Variants in ADAMTSL1 observed in about 807,000 individuals in gnomAD.
ADAMTSL1 encodes the protein ADAMTS-like protein 1.
In ADAMTSL1, 126 loss-of-function variants were observed where a neutral mutation model predicts 201.8. The ratio of observed to expected loss-of-function variants is 0.62; its 90% CI spans 0.54 to 0.72. ADAMTSL1 has a LOEUF of 0.72. ADAMTSL1 is among the 30% of genes least tolerant of loss of function. The pLI, the probability that ADAMTSL1 is intolerant of heterozygous loss-of-function variation, is 0.00. For synonymous variants in ADAMTSL1, 1,121 were observed against 903.4 expected (o/e 1.24, Z -4.32); for missense variants, 2,679 against 2,277.8 (o/e 1.18, Z -3.59).
intron 1 of ADAMTSL1, among the ~76,000 whole-genome samples, chr9:18,068,310 A>C (rs1444002176): frequency 6.6e-6 from 1 of 152,200 alleles, no homozygotes; most frequent in African/African-American, 2.4e-5. Context: ...ACAACTAAAA[A>C]TAACAATACA....
intron 13 of ADAMTSL1, chr9:18,706,530 G>A (rs140022906): frequency 1.9e-6 from 1 of 530,270 alleles, no homozygotes; most frequent in Admixed American, 3.3e-5. Flanking sequence ...GCAGCTGGGA[G>A]TTCATGTGAC....
chr9:18,471,867 A>G (rs1821230084), upstream of ADAMTSL1, among the ~76,000 whole-genome samples: 1 of 152,214 alleles, frequency 6.6e-6, no homozygotes, highest in African/African-American at 2.4e-5. Context: ...CTGACTCAAA[A>G]TACCTAGGCA....
At chr9:18,399,280 C>CATATATATATATATATAT (rs561622408) in intron 2 of ADAMTSL1, among the ~76,000 whole-genome samples, 1 of 31,006 alleles carries the variant, frequency 3.2e-5, no homozygotes, top group Non-Finnish European at 6.5e-5. Context: ...GTCTGCTTTA[C>CATATATATATATATATAT]ATATATATAT....
intron 2 of ADAMTSL1, among the ~76,000 whole-genome samples, chr9:18,430,261 A>G (rs1012799431): frequency 5.3e-5 from 8 of 152,202 alleles, no homozygotes; most frequent in Non-Finnish European, 1.2e-4. Flanking sequence ...ACAAGATTTT[A>G]AAGTATCTAA....
intron 7 of ADAMTSL1, among the ~76,000 whole-genome samples, chr9:18,655,241 C>T (rs1295734973): frequency 2.0e-5 from 3 of 152,188 alleles, no homozygotes; most frequent in Admixed American, 1.3e-4. Context: ...AATTAAAGCT[C>T]AACCATAACC....
chr9:18,343,083 T>G (rs991096239), intron 2 of ADAMTSL1, among the ~76,000 whole-genome samples: 17 of 152,098 alleles, frequency 1.1e-4, no homozygotes, highest in African/African-American at 4.1e-4. Context: ...CTCAGCACTT[T>G]GGGAGGCTGA....
intron 1 of ADAMTSL1, among the ~76,000 whole-genome samples, chr9:17,969,515 A>T (rs568886393): frequency 6.6e-6 from 1 of 152,248 alleles, no homozygotes; most frequent in East Asian, 1.9e-4. Context: ...TTAAGGTCAT[A>T]TACAGCAATA....
intron 24 of ADAMTSL1, among the ~76,000 whole-genome samples, chr9:18,889,355 C>T (rs1022846238): frequency 1.3e-5 from 2 of 152,162 alleles, no homozygotes; most frequent in African/African-American, 4.8e-5. Context: ...TCACTGTATT[C>T]ATTTCATGGC....
At chr9:18,298,254 T>C (rs1452312147) in intron 2 of ADAMTSL1, among the ~76,000 whole-genome samples, 5 of 152,100 alleles carry the variant, frequency 3.3e-5, no homozygotes, top group Admixed American at 2.6e-4. Flanking sequence ...AGTGACAAGA[T>C]ACCAAAAGTA....
intron 1 of ADAMTSL1, among the ~76,000 whole-genome samples, chr9:18,504,360 C>T (rs1419087228): frequency 6.6e-6 from 1 of 152,126 alleles, no homozygotes; most frequent in Non-Finnish European, 1.5e-5. Context: ...ACTAGGAATG[C>T]AGTTGCTTTA....
At chr9:18,857,075 C>T (rs1213535265) in intron 23 of ADAMTSL1, among the ~76,000 whole-genome samples, 2 of 152,100 alleles carry the variant, frequency 1.3e-5, no homozygotes, top group African/African-American at 2.4e-5. Context: ...ACATGTTCTA[C>T]TTCTTGGTTT....
At chr9:18,527,235 C>G (rs559965516) in intron 2 of ADAMTSL1, among the ~76,000 whole-genome samples, 1 of 152,332 alleles carries the variant, frequency 6.6e-6, no homozygotes, top group East Asian at 1.9e-4. Context: ...AATACAGTAA[C>G]CCATTCTTGC....
intron 2 of ADAMTSL1, among the ~76,000 whole-genome samples, chr9:18,411,404 G>T (rs926496840): frequency 6.6e-6 from 1 of 151,492 alleles, no homozygotes; most frequent in African/African-American, 2.4e-5. Context: ...TCACCATGTT[G>T]CCCAGGCTGG....
intron 1 of ADAMTSL1, among the ~76,000 whole-genome samples, chr9:17,922,065 T>C (rs978256555): frequency 1.0e-4 from 15 of 143,438 alleles, no homozygotes; most frequent in Non-Finnish European, 2.1e-4. Context: ...ATGTATTCTC[T>C]AAGGTGTGAT....
rs555247948 is a variant in ADAMTSL1, at chr9:18,115,197, C to T, written c.88-48665C>T. Among the ~76,000 whole-genome samples, 96 of 152,238 alleles carry T rather than the reference C, an allele frequency of 6.3e-4. No individual in the cohort carries two copies. In the Middle Eastern group the frequency reaches 0.01, roughly 16 times the overall value. On this transcript the variant is annotated intron_variant, in intron 1 of 29. Coordinates refer to the ADAMTSL1 transcript ENST00000680146. ...TTTGCAGTGGGCTTTGAGTTATTCA[C>T]GAAATCCTATTGAACATCTTTTTTG...
intron 3 of ADAMTSL1, among the ~76,000 whole-genome samples, chr9:18,573,634 G>A (rs992956831): frequency 1.3e-5 from 2 of 152,110 alleles, no homozygotes; most frequent in African/African-American, 4.8e-5. Context: ...TATCAGAACT[G>A]AAAGAGACAA....
At chr9:18,870,799 G>T (rs1563875361) in intron 23 of ADAMTSL1, among the ~76,000 whole-genome samples, 1 of 150,650 alleles carries the variant, frequency 6.6e-6, no homozygotes, top group African/African-American at 2.4e-5. Context: ...TTTTCTCGGG[G>T]TTTGTTTTGT....
At chr9:18,152,508 C>A (rs1452981352) in intron 1 of ADAMTSL1, among the ~76,000 whole-genome samples, 1 of 151,776 alleles carries the variant, frequency 6.6e-6, no homozygotes, top group East Asian at 1.9e-4. Flanking sequence ...GAAAAGATGC[C>A]CATTGACAGA....
intron 3 of ADAMTSL1, among the ~76,000 whole-genome samples, chr9:18,551,961 A>C (rs927193035): frequency 3.3e-5 from 5 of 151,716 alleles, no homozygotes; most frequent in African/African-American, 9.7e-5. Context: ...TGCATCTCTA[A>C]TGGTGTTTGG....
Sources: gnomAD v4.1 joint callset for allele counts (sites outside exome capture counted in the v4.1 genomes callset) on GRCh38, gnomAD v4.1.1 for gene constraint, MANE v1.5 for transcripts, NCBI Gene and HGNC (gene_info 2026-07-23, HGNC 2026-07-21) for gene names.